NALCN: variants seen among roughly 807,000 people sequenced by gnomAD.
NALCN encodes sodium leak channel, non-selective.
A neutral mutation model predicts 225.3 loss-of-function variants in NALCN; 111 were observed. The observed-to-expected ratio is 0.49, with a 90% CI of 0.42 to 0.58. The LOEUF is 0.58. Among genes scored for constraint, NALCN ranks in the 20% least tolerant of loss-of-function variants. NALCN has a pLI of 0.00. For missense variants in NALCN, 1,378 were observed against 2,202.4 expected, an observed-to-expected ratio of 0.63 and a Z score of 7.49; for synonymous variants, 764 against 769.0, an observed-to-expected ratio of 0.99 and a Z score of 0.11.
intron 1 of NALCN, among the ~76,000 whole-genome samples, chr13:101,407,262 A>G (rs73566046): frequency 0.022 from 3,415 of 152,286 alleles, 112 homozygotes; most frequent in East Asian, 0.11. Context: ...CAATCATAAT[A>G]TGTTGGAATA....
chr13:101,263,602 G>T (rs2042502310), intron 10 of NALCN, among the ~76,000 whole-genome samples: 1 of 152,080 alleles, frequency 6.6e-6, no homozygotes, highest in Admixed American at 6.6e-5. Context: ...CTTTTAAATT[G>T]GTTTTGTAAC....
At chr13:101,064,176 C>T (rs1161551027) in intron 40 of NALCN, among the ~76,000 whole-genome samples, 1 of 152,164 alleles carries the variant, frequency 6.6e-6, no homozygotes, top group African/African-American at 2.4e-5. Flanking sequence ...CTGAAAATAT[C>T]TATGATTTCT....
chr13:101,359,259 T>C (rs902919259), intron 6 of NALCN, among the ~76,000 whole-genome samples: 1 of 152,202 alleles, frequency 6.6e-6, no homozygotes, highest in African/African-American at 2.4e-5. Flanking sequence ...AAAATACTTA[T>C]TTAACAGGAT....
intron 7 of NALCN, among the ~76,000 whole-genome samples, chr13:101,334,877 G>A (rs140999392): frequency 9.9e-5 from 15 of 151,160 alleles, no homozygotes; most frequent in Non-Finnish European, 1.5e-4. Flanking sequence ...GAGGGGAGAA[G>A]AAATGAGAAA....
At position 101,334,615 on chromosome 13, in the gene NALCN, A is replaced by G. The variant is rs189311260; in HGVS notation, c.799+10651T>C. On this transcript the variant is annotated intron_variant, in intron 7 of 43. Transcript: ENST00000251127. ...AAAAATTCACTCACGCAATAAAGGC[A>G]GTACTATGAATCCTTATCTTTTAAA... 7.1e-3 allele frequency among the ~76,000 whole-genome samples: 1,074 copies of G among 152,338 alleles called. 16 individuals are homozygous for G. The highest frequency in any genetic ancestry group is 0.024 in the African/African-American group (1,007 of 41,580).
chr13:101,183,521 G>A (rs1219089405), intron 14 of NALCN, among the ~76,000 whole-genome samples: 3 of 152,140 alleles, frequency 2.0e-5, no homozygotes, highest in Non-Finnish European at 2.9e-5. Context: ...GTGCAGTGGT[G>A]CGATCTCAGC....
chr13:101,088,803 G>A (rs550479715), intron 30 of NALCN, among the ~76,000 whole-genome samples: 28 of 152,326 alleles, frequency 1.8e-4, no homozygotes, highest in African/African-American at 6.0e-4. Flanking sequence ...TCCCATTTGT[G>A]AGCCTTTGTT....
intron 10 of NALCN, among the ~76,000 whole-genome samples, chr13:101,278,125 T>C (rs1320469648): frequency 2.6e-5 from 4 of 152,246 alleles, no homozygotes; most frequent in African/African-American, 4.8e-5. Context: ...TCAGATATTA[T>C]TGATACCTCA....
At chr13:101,228,756 C>T (rs573623036) in intron 13 of NALCN, among the ~76,000 whole-genome samples, 1 of 152,246 alleles carries the variant, frequency 6.6e-6, no homozygotes, top group South Asian at 2.1e-4. Flanking sequence ...ACTATTTCAA[C>T]TTAGGGTAAA....
intron 1 of NALCN, among the ~76,000 whole-genome samples, chr13:101,406,524 T>G (rs2047630243): frequency 6.6e-6 from 1 of 152,182 alleles, no homozygotes. Context: ...TCATATAGCC[T>G]GGTGTTTACA....
intron 10 of NALCN, among the ~76,000 whole-genome samples, chr13:101,276,189 G>C (rs1286388124): frequency 6.6e-6 from 1 of 152,016 alleles, no homozygotes; most frequent in African/African-American, 2.4e-5. Context: ...CAGAGGATGG[G>C]AGGGGGTTTT....
At chr13:101,244,497 C>T (rs1447626080) in intron 11 of NALCN, among the ~76,000 whole-genome samples, 1 of 152,146 alleles carries the variant, frequency 6.6e-6, no homozygotes. Context: ...CACTGATTTT[C>T]CCCTAGAATT....
At chr13:101,183,168 C>T (rs1217854625) in intron 14 of NALCN, among the ~76,000 whole-genome samples, 3 of 152,154 alleles carry the variant, frequency 2.0e-5, no homozygotes, top group African/African-American at 7.2e-5. Flanking sequence ...TAATCAGAAC[C>T]CATTACAGCG....
chr13:101,119,725 T>A (rs2035881219), intron 18 of NALCN, among the ~76,000 whole-genome samples: 1 of 152,198 alleles, frequency 6.6e-6, no homozygotes, highest in Admixed American at 6.5e-5. Context: ...AAAAGAAGCT[T>A]TATTTAGTGG....
intron 11 of NALCN, among the ~76,000 whole-genome samples, chr13:101,250,521 T>G (rs2042030945): frequency 6.6e-6 from 1 of 152,010 alleles, no homozygotes; most frequent in Non-Finnish European, 1.5e-5. Context: ...GAGGAAAGAA[T>G]GAATTTTCAA....
At chr13:101,336,644 A>G (rs2045387149) in intron 7 of NALCN, among the ~76,000 whole-genome samples, 1 of 152,188 alleles carries the variant, frequency 6.6e-6, no homozygotes, top group Non-Finnish European at 1.5e-5. Flanking sequence ...ATATATATAG[A>G]AAAGCTTTAT....
chr13:101,183,801 A>AT (rs762218060), intron 14 of NALCN, among the ~76,000 whole-genome samples: 9 of 149,456 alleles, frequency 6.0e-5, no homozygotes, highest in South Asian at 2.1e-4. Context: ...CTATGTCCCT[A>AT]TTTTTTTTTA....
At chr13:101,328,958 G>C (rs1489161892) in intron 7 of NALCN, among the ~76,000 whole-genome samples, 1 of 152,102 alleles carries the variant, frequency 6.6e-6, no homozygotes. Context: ...CCCTGTCTCT[G>C]TCCCCTAAGA....
At chr13:101,137,199 G>A (rs764740236) in intron 17 of NALCN, among the ~76,000 whole-genome samples, 1 of 152,064 alleles carries the variant, frequency 6.6e-6, no homozygotes, top group Non-Finnish European at 1.5e-5. Context: ...TCTTCCCTTT[G>A]AGATACAACC....
Sources: gnomAD v4.1 joint callset for allele counts (sites outside exome capture counted in the v4.1 genomes callset) on GRCh38, gnomAD v4.1.1 for gene constraint, MANE v1.5 for transcripts, NCBI Gene and HGNC (gene_info 2026-07-23, HGNC 2026-07-21) for gene names.